Variants in HS3ST4 observed in about 807,000 individuals in gnomAD.
HS3ST4 encodes the protein heparan sulfate glucosamine 3-O-sulfotransferase 4.
Under a neutral mutation model 29.2 loss-of-function variants are expected in HS3ST4, and 17 were observed. That is an observed-to-expected ratio of 0.58 (90% CI 0.40 to 0.87). HS3ST4 has a LOEUF of 0.87. Ranked by LOEUF, HS3ST4 falls within the 40% of genes least tolerant of loss-of-function variation. The pLI, the probability that HS3ST4 is intolerant of heterozygous loss-of-function variation, is 0.00. For missense variants in HS3ST4, 627 were observed against 634.5 expected (o/e 0.99, Z 0.13); for synonymous variants, 314 against 285.7 (o/e 1.10, Z -1.00).
chr16:26,103,100 A>G (rs563601781), intron 1 of HS3ST4, among the ~76,000 whole-genome samples: 12 of 152,278 alleles, frequency 7.9e-5, no homozygotes, highest in Admixed American at 3.9e-4. Flanking sequence ...ATTGCAAGGG[A>G]GCCTGGGAAA....
intron 1 of HS3ST4, among the ~76,000 whole-genome samples, chr16:25,830,537 A>G (rs1273820556): frequency 1.3e-5 from 2 of 152,134 alleles, no homozygotes; most frequent in African/African-American, 2.4e-5. Flanking sequence ...TCTATATCCA[A>G]TGACTAAGTT....
At chr16:25,873,278 TCATCCATCCATCCATCCATCCATC>T (rs879378801) in intron 1 of HS3ST4, among the ~76,000 whole-genome samples, 2 of 110,432 alleles carry the variant, frequency 1.8e-5, no homozygotes, top group African/African-American at 3.4e-5. Context: ...ATTTGTCCAT[TCATCCATCCATCCATCCATCCATC>T]CATCCATCCA....
chr16:26,103,843 C>A (rs887681403), intron 1 of HS3ST4, among the ~76,000 whole-genome samples: 4 of 152,156 alleles, frequency 2.6e-5, no homozygotes, highest in Admixed American at 6.5e-5. Context: ...TCACTAAAAA[C>A]CACTCAGAAT....
intron 1 of HS3ST4, among the ~76,000 whole-genome samples, chr16:25,765,683 G>A (rs1403216032): frequency 6.6e-6 from 1 of 152,170 alleles, no homozygotes; most frequent in East Asian, 1.9e-4. Context: ...TCCCAGGGGA[G>A]CACCCTCATC....
At chr16:26,106,551 T>C (rs1899059808) in intron 1 of HS3ST4, among the ~76,000 whole-genome samples, 1 of 152,240 alleles carries the variant, frequency 6.6e-6, no homozygotes, top group Non-Finnish European at 1.5e-5. Flanking sequence ...GGTCCTGATT[T>C]ATAGTCATGC....
At chr16:25,980,506 C>T (rs546125716) in intron 1 of HS3ST4, among the ~76,000 whole-genome samples, 10 of 152,292 alleles carry the variant, frequency 6.6e-5, no homozygotes, top group South Asian at 2.1e-4. Context: ...AAGCCAGCTA[C>T]GGCTGTATTC....
intron 1 of HS3ST4, among the ~76,000 whole-genome samples, chr16:25,706,125 T>C (rs1966374487): frequency 6.6e-6 from 1 of 152,236 alleles, no homozygotes; most frequent in Admixed American, 6.5e-5. Flanking sequence ...AATCTCAGAC[T>C]GTGTAACTGT....
intron 1 of HS3ST4, among the ~76,000 whole-genome samples, chr16:26,053,531 A>G (rs1898371073): frequency 6.6e-6 from 1 of 152,202 alleles, no homozygotes; most frequent in Non-Finnish European, 1.5e-5. Context: ...GTTCTTTCTC[A>G]GGAAGACCAA....
Position 25,893,361 on chromosome 16 carries a change from A to G in HS3ST4, c.734+200210A>G, listed in dbSNP as rs543260849. Among the ~76,000 whole-genome samples, 10 of 152,328 alleles carry G rather than the reference A, an allele frequency of 6.6e-5. No individual in the cohort carries two copies. In the South Asian group the frequency reaches 1.5e-3, roughly 22 times the overall value. ...GAATGATGTGATCGTATTTGCCTTC[A>G]CTCAAAGCTGACATGCTTCCCAGTT... is the stretch of plus-strand genomic sequence containing the variant. On this transcript the variant is annotated intron_variant, in intron 1 of 1. Coordinates refer to ENST00000331351, the MANE Select transcript of HS3ST4 (RefSeq NM_006040.3).
At chr16:26,103,724 C>T (rs147574885) in intron 1 of HS3ST4, among the ~76,000 whole-genome samples, 452 of 152,300 alleles carry the variant, frequency 3.0e-3, no homozygotes, top group African/African-American at 0.01. Flanking sequence ...ATTTAGTTAA[C>T]GACCATATCA....
intron 1 of HS3ST4, among the ~76,000 whole-genome samples, chr16:25,813,044 A>G (rs746444942): frequency 5.9e-5 from 9 of 152,238 alleles, no homozygotes; most frequent in Non-Finnish European, 1.3e-4. Flanking sequence ...CAGTACATCT[A>G]TCTGACAAAG....
chr16:25,748,167 G>A (rs986764139), intron 1 of HS3ST4, among the ~76,000 whole-genome samples: 1 of 152,108 alleles, frequency 6.6e-6, no homozygotes, highest in Non-Finnish European at 1.5e-5. Context: ...TCTCCCCAGA[G>A]CTGCTGCATC....
At chr16:25,729,288 T>C (rs529823210) in intron 1 of HS3ST4, among the ~76,000 whole-genome samples, 1 of 152,140 alleles carries the variant, frequency 6.6e-6, no homozygotes, top group Non-Finnish European at 1.5e-5. Flanking sequence ...AGACATCTAA[T>C]GGTGTGAAAA....
chr16:26,042,239 T>C (rs1285859891), intron 1 of HS3ST4, among the ~76,000 whole-genome samples: 1 of 152,230 alleles, frequency 6.6e-6, no homozygotes, highest in Non-Finnish European at 1.5e-5. Context: ...AAGCTATCCC[T>C]TCTCTTTAAC....
intron 1 of HS3ST4, among the ~76,000 whole-genome samples, chr16:25,969,518 T>A (rs1428709080): frequency 6.6e-6 from 1 of 152,226 alleles, no homozygotes; most frequent in Non-Finnish European, 1.5e-5. Context: ...TCAGTGAACA[T>A]CACGGCATTG....
At chr16:25,844,878 A>G (rs1266421067) in intron 1 of HS3ST4, among the ~76,000 whole-genome samples, 1 of 152,224 alleles carries the variant, frequency 6.6e-6, no homozygotes, top group African/African-American at 2.4e-5. Context: ...ATAAAAAGGA[A>G]CAAGATCATG....
Position 25,789,452 on chromosome 16 carries a change from TTCCTTCCTTCC to T in HS3ST4, c.734+96303_734+96313del, listed in dbSNP as rs1567240217. Among the ~76,000 whole-genome samples, 156 of 57,686 alleles carry T rather than the reference TTCCTTCCTTCC, an allele frequency of 2.7e-3. 5 individuals are homozygous for T. The highest frequency in any genetic ancestry group is 6.5e-3 in the Middle Eastern group (1 of 154). The allele number at this position is 57,686 out of a possible 152,430, so 37.8% of individuals were successfully genotyped here. A position where few individuals can be genotyped will look rare whatever the true frequency, so the allele number is the denominator to read the frequency against. On this transcript the variant is annotated intron_variant, in intron 1 of 1. Coordinates refer to ENST00000331351, the MANE Select transcript of HS3ST4 (RefSeq NM_006040.3). ...CTTCCTTCCTTCCTTCCTTCCTTCC[TTCCTTCCTTCC>T]TTCCTTCTTTCTTTCTTTCTCTTTC...
At chr16:25,889,576 G>A (rs1363257735) in intron 1 of HS3ST4, among the ~76,000 whole-genome samples, 1 of 152,170 alleles carries the variant, frequency 6.6e-6, no homozygotes, top group Non-Finnish European at 1.5e-5. Flanking sequence ...TCTTCATGCT[G>A]TAAGTTGAGA....
chr16:26,009,369 T>C (rs187409057), intron 1 of HS3ST4, among the ~76,000 whole-genome samples: 44 of 152,368 alleles, frequency 2.9e-4, no homozygotes, highest in Admixed American at 2.4e-3. Flanking sequence ...CTCATTGTTC[T>C]ATCTCTAGCC....
Sources: allele counts gnomAD v4.1 joint callset (sites outside exome capture counted in the v4.1 genomes callset), GRCh38; gene constraint gnomAD v4.1.1; transcripts MANE v1.5; gene names NCBI Gene and HGNC (gene_info 2026-07-23, HGNC 2026-07-21).